The following FMNL2 variants were observed in gnomAD, a reference collection of about 807,000 sequenced individuals.
FMNL2 encodes formin like 2.
A neutral mutation model predicts 130.2 loss-of-function variants in FMNL2; 51 were observed. That is an observed-to-expected ratio of 0.39 (90% CI 0.31 to 0.49). FMNL2 has a LOEUF of 0.49. Ranked by LOEUF, FMNL2 falls within the 20% of genes least tolerant of loss-of-function variation. The pLI is 0.85. For synonymous variants in FMNL2, 465 were observed against 467.1 expected, an observed-to-expected ratio of 1.00 and a Z score of 0.06; for missense variants, 977 against 1,316.2, an observed-to-expected ratio of 0.74 and a Z score of 3.99.
At chr2:152,474,520 A>G (rs1690036252) in intron 1 of FMNL2, among the ~76,000 whole-genome samples, 1 of 152,098 alleles carries the variant, frequency 6.6e-6, no homozygotes, top group Non-Finnish European at 1.5e-5. Context: ...CCTCATCTCT[A>G]CTAAAAATAC....
intron 9 of FMNL2, among the ~76,000 whole-genome samples, chr2:152,589,324 A>C (rs959207504): frequency 2.9e-5 from 3 of 102,194 alleles, no homozygotes; most frequent in Non-Finnish European, 7.3e-5. Flanking sequence ...CAAACAAAAA[A>C]AACAACAAAA....
intron 4 of FMNL2, among the ~76,000 whole-genome samples, chr2:152,549,364 G>C (rs113907216): frequency 6.6e-6 from 1 of 152,288 alleles, no homozygotes; most frequent in Non-Finnish European, 1.5e-5. Flanking sequence ...TTTCATGTGT[G>C]CATAACAATT....
At chr2:152,607,900 G>T (rs530436588) in intron 10 of FMNL2, among the ~76,000 whole-genome samples, 3 of 151,526 alleles carry the variant, frequency 2.0e-5, no homozygotes, top group Non-Finnish European at 4.4e-5. Context: ...TTTCCTCCCT[G>T]ATCTCTTTCC....
intron 1 of FMNL2, among the ~76,000 whole-genome samples, chr2:152,421,213 A>T (rs541901550): frequency 6.6e-6 from 1 of 152,272 alleles, no homozygotes; most frequent in South Asian, 2.1e-4. Context: ...GGAATGAATG[A>T]CTTCAAGTCT....
intron 9 of FMNL2, among the ~76,000 whole-genome samples, chr2:152,607,006 G>T (rs12616141): frequency 0.099 from 7,544 of 76,014 alleles, 4 homozygotes; most frequent in South Asian, 0.14. Flanking sequence ...TTTTTTTTTT[G>T]TTTTTTTTTT....
At chr2:152,558,157 GC>G (rs1695329677) in intron 4 of FMNL2, among the ~76,000 whole-genome samples, 1 of 152,198 alleles carries the variant, frequency 6.6e-6, no homozygotes, top group African/African-American at 2.4e-5. Context: ...ATGATAGTAT[GC>G]GGTGCCTGCA....
intron 1 of FMNL2, among the ~76,000 whole-genome samples, chr2:152,408,747 A>C (rs921830138): frequency 1.3e-5 from 2 of 152,246 alleles, no homozygotes; most frequent in Non-Finnish European, 2.9e-5. Flanking sequence ...TCTAACACAA[A>C]GCCTATTATA....
At chr2:152,373,447 G>C (rs1683997088) in intron 1 of FMNL2, among the ~76,000 whole-genome samples, 1 of 152,122 alleles carries the variant, frequency 6.6e-6, no homozygotes, top group Admixed American at 6.5e-5. Flanking sequence ...GGAAATCCCT[G>C]GATAGAGATT....
chr2:152,601,710 C>G (rs1580068887), intron 9 of FMNL2, among the ~76,000 whole-genome samples: 1 of 145,572 alleles, frequency 6.9e-6, no homozygotes, highest in South Asian at 2.2e-4. Flanking sequence ...CACTCTGTCA[C>G]CCAGGCTAGA....
chr2:152,574,482 C>G (rs867229376), intron 6 of FMNL2, among the ~76,000 whole-genome samples: 3 of 148,920 alleles, frequency 2.0e-5, no homozygotes, highest in Middle Eastern at 7.0e-3. Context: ...TAAGGTTTGT[C>G]TACTTGCTGG....
At chr2:152,551,611 A>G (rs941977154) in intron 4 of FMNL2, among the ~76,000 whole-genome samples, 5 of 152,252 alleles carry the variant, frequency 3.3e-5, no homozygotes, top group African/African-American at 1.2e-4. Context: ...CTTCTGAAAA[A>G]TTACTCAATA....
chr2:152,540,287 T>C (rs747088389), intron 2 of FMNL2, among the ~76,000 whole-genome samples: 3 of 152,084 alleles, frequency 2.0e-5, no homozygotes, highest in African/African-American at 4.8e-5. Flanking sequence ...TAAATCCCCA[T>C]GGCAATAGGA....
At chr2:152,368,018 C>T (rs970961245) in intron 1 of FMNL2, among the ~76,000 whole-genome samples, 4 of 152,152 alleles carry the variant, frequency 2.6e-5, no homozygotes, top group African/African-American at 7.2e-5. Context: ...AGATCTCACA[C>T]GTGACTCACG....
At chr2:152,622,518 C>T (rs749786451) in intron 15 of FMNL2, 5 of 456,570 alleles carry the variant, frequency 1.1e-5, no homozygotes, top group Non-Finnish European at 2.2e-5. Flanking sequence ...TTTCTCTGTT[C>T]TTTCTGCTTC....
chr2:152,415,112 A>G lies in FMNL2; in HGVS notation c.117+79392A>G, dbSNP rs371456137. Reference sequence around the variant, plus strand: ...ATTTTAAGCTGTGGTGCAGAAACCTACAGCAGAGGTGTGAATCTTCTTCCC... The same window carrying G: ...ATTTTAAGCTGTGGTGCAGAAACCTGCAGCAGAGGTGTGAATCTTCTTCCC... On this transcript the variant is annotated intron_variant, in intron 1 of 25. Transcript: ENST00000288670. Among the ~76,000 whole-genome samples the G allele has an allele frequency of 8.5e-5, 13 of 152,154 alleles. No homozygotes were observed. In the East Asian group the frequency reaches 2.3e-3, roughly 27 times the overall value.
intron 1 of FMNL2, among the ~76,000 whole-genome samples, chr2:152,483,383 AAAAAT>A (rs1579777695): frequency 1.3e-5 from 2 of 152,200 alleles, no homozygotes; most frequent in Non-Finnish European, 2.9e-5. Context: ...CATTAAAAAA[AAAAAT>A]AAAGTGACAG....
At chr2:152,338,417 T>C (rs1397168347) in intron 1 of FMNL2, among the ~76,000 whole-genome samples, 1 of 152,142 alleles carries the variant, frequency 6.6e-6, no homozygotes, top group African/African-American at 2.4e-5. Context: ...AAAATTAAAA[T>C]GACAAAAGTC....
At chr2:152,399,973 CATTTA>C (rs1685597631) in intron 1 of FMNL2, among the ~76,000 whole-genome samples, 3 of 152,030 alleles carry the variant, frequency 2.0e-5, no homozygotes, top group African/African-American at 4.8e-5. Context: ...AGTGGTGTGA[CATTTA>C]CTGAAACAGG....
At chr2:152,614,114 A>G (rs908451665) in intron 11 of FMNL2, among the ~76,000 whole-genome samples, 6 of 152,288 alleles carry the variant, frequency 3.9e-5, no homozygotes, top group South Asian at 2.1e-4. Context: ...TTCTTCCCCT[A>G]CTGGAACCAC....
Sources: gnomAD v4.1 joint callset for allele counts (sites outside exome capture counted in the v4.1 genomes callset) on GRCh38, gnomAD v4.1.1 for gene constraint, MANE v1.5 for transcripts, NCBI Gene and HGNC (gene_info 2026-07-23, HGNC 2026-07-21) for gene names.